The following FBRSL1 variants were observed in gnomAD, a reference collection of about 807,000 sequenced individuals.
FBRSL1 encodes fibrosin-1-like protein.
A neutral mutation model predicts 89.6 loss-of-function variants in FBRSL1; 51 were observed. That is an observed-to-expected ratio of 0.57 (90% CI 0.45 to 0.72). FBRSL1 has a LOEUF of 0.72. FBRSL1 is among the 30% of genes least tolerant of loss of function. The probability of loss-of-function intolerance (pLI) is 0.00; values close to 1 mark genes in which losing one functional copy is unlikely to be tolerated. For missense variants in FBRSL1, 1,618 were observed against 1,451.8 expected, an observed-to-expected ratio of 1.11 and a Z score of -1.86; for synonymous variants, 779 against 681.1, an observed-to-expected ratio of 1.14 and a Z score of -2.24.
chr12:132,552,755 GGACA>G (rs1218478760), intron 5 of FBRSL1: 1 of 156,874 alleles, frequency 6.4e-6, no homozygotes, highest in Non-Finnish European at 1.4e-5. Context: ...TCACCCCGCA[GGACA>G]GACAGAAGGA....
At position 132,503,723 on chromosome 12, in the gene FBRSL1, G is replaced by A. The variant is rs191077390; in HGVS notation, c.292-4430G>A. 1.5e-3 allele frequency among the ~76,000 whole-genome samples: 232 copies of A among 152,372 alleles called. 1 individual carries two copies. The highest frequency in any genetic ancestry group is 5.3e-3 in the African/African-American group (221 of 41,590). ...TGGGAGGCAGCCATGCCAGCTGGGT[G>A]CTGAGCAGATTTTCAGGTGCTCTGC... is the stretch of plus-strand genomic sequence containing the variant. On this transcript the variant is annotated intron_variant, in intron 1 of 18. Transcript: ENST00000680143.
chr12:132,517,356 A>T (rs909705850), intron 2 of FBRSL1, among the ~76,000 whole-genome samples: 16 of 152,232 alleles, frequency 1.1e-4, no homozygotes, highest in African/African-American at 3.6e-4. Context: ...TGCTCCCCAC[A>T]GCCTGGGGCT....
At position 132,567,542 on chromosome 12, in the gene FBRSL1, C is replaced by T. The variant is rs1339930539; in HGVS notation, c.691+16C>T. 22 of 1,550,418 alleles carry T rather than the reference C, an allele frequency of 1.4e-5. No homozygotes were observed. Among genetic ancestry groups the T allele is most frequent in the Admixed American group, 3.9e-5 (2 of 50,976 alleles). ...ACCGATAAAGGTAAGTGGGTCCCCT[C>T]GGCCCAGCTCCTGGGCCTCTGAAGA... On this transcript the variant is annotated intron_variant, in intron 6 of 18. Transcript: ENST00000680143.
At chr12:132,510,407 G>T (rs571125537) in intron 2 of FBRSL1, 2 of 1,232,002 alleles carry the variant, frequency 1.6e-6, no homozygotes, top group Non-Finnish European at 2.0e-6. Flanking sequence ...GTGCCCCCGG[G>T]ATGGCCCGTC....
Position 132,583,655 on chromosome 12 carries a change from G to C in FBRSL1, c.2886G>C (p.Ala962=). ...GCGCACCGCCCCCCCTGGTGACGGC[G>C]GCCGGGCCCCCCACGCCCCCCGGGC... ...ALGAPPPLVT[A]AGPPTPPGPP... The change falls in exon 19 of 19, where the codon GCG becomes GCC. Residue 962 remains alanine, a synonymous_variant. Coordinates refer to ENST00000680143, the MANE Select transcript of FBRSL1 (RefSeq NM_001367871.1). The C allele has an allele frequency of 9.5e-7, 1 of 1,048,712 alleles. No individual in the cohort carries two copies. The highest frequency in any genetic ancestry group is 1.7e-5 in the African/African-American group (1 of 58,158). The allele number at this position is 1,048,712 out of a possible 1,614,324, so 65.0% of individuals were successfully genotyped here.
Position 132,508,472 on chromosome 12 carries a change from C to T in FBRSL1, c.489+122C>T, listed in dbSNP as rs181856982. The T allele has an allele frequency of 2.9e-4, 338 of 1,184,912 alleles. No homozygotes were observed. In the Admixed American group the frequency reaches 8.2e-3, roughly 29 times the overall value. The allele number at this position is 1,184,912 out of a possible 1,614,324, so 73.4% of individuals were successfully genotyped here. Reference sequence around the variant, plus strand: ...CGGGCCTGCCTGGCAGCGCGCCCATCGTTGTCAGGCTTGGGGTGCAGGACA... The same window carrying T: ...CGGGCCTGCCTGGCAGCGCGCCCATTGTTGTCAGGCTTGGGGTGCAGGACA... On this transcript the variant is annotated intron_variant, in intron 2 of 18. Transcript: ENST00000680143.
chr12:132,499,739 G>A lies in FBRSL1; in HGVS notation c.292-8414G>A, dbSNP rs1420973360. ...GCAGGGCTGGGGGGTGGGGCGCTGC[G>A]CAGCACCTAAACTCCGTGAGATCAG... On this transcript the variant is annotated intron_variant, in intron 1 of 18. Transcript: ENST00000680143. The surrounding 1 kb of genome is among the most constrained non-coding windows in gnomAD (Gnocchi z 4.3). Among the ~76,000 whole-genome samples the A allele has an allele frequency of 3.3e-5, 5 of 152,190 alleles. No homozygotes were observed. The highest frequency in any genetic ancestry group is 9.6e-5 in the African/African-American group (4 of 41,514).
At chr12:132,510,987 CGTGCTGGGCATGAAGGATCTGTGGG>C (rs2034273235) in intron 2 of FBRSL1, 1 of 987,512 alleles carries the variant, frequency 1.0e-6, no homozygotes, top group Admixed American at 6.1e-5. Context: ...GAGTGAGTGG[CGTGCTGGGCATGAAGGATCTGTGGG>C]GTGCTGCAGT....
Position 132,581,744 on chromosome 12 carries a change from C to A in FBRSL1, c.1916C>A (p.Pro639His), listed in dbSNP as rs1428004066. 6.5e-7 allele frequency: 1 copy of A among 1,550,040 alleles called. No individual in the cohort carries two copies. Among genetic ancestry groups the A allele is most frequent in the Non-Finnish European group, 8.7e-7 (1 of 1,146,842 alleles). The change falls in exon 17 of 19, where the codon CCT (proline) becomes CAT (histidine). Residue 639 changes from proline (P) to histidine (H), a missense_variant. Pro to His is a moderately conservative substitution (Grantham distance 77). Transcript: ENST00000680143. ...SFLPTGPLTD[P>H]FSRPSTFGGL... ...GGTCCCGCGGTTGCCCCCACAGACC[C>A]TTTCAGCAGACCGAGCACCTTTGGG...
At chr12:132,561,185 AC>A in intron 5 of FBRSL1, among the ~76,000 whole-genome samples, 1 of 152,090 alleles carries the variant, frequency 6.6e-6, no homozygotes, top group South Asian at 2.1e-4. Context: ...AGGGCCGAGG[AC>A]CCCTGGAGCA....
chr12:132,532,204 A>G (rs2036347656), intron 4 of FBRSL1, among the ~76,000 whole-genome samples: 1 of 152,096 alleles, frequency 6.6e-6, no homozygotes, highest in African/African-American at 2.4e-5. Context: ...GTGGCAGCCC[A>G]TGGTGAGGCC....
At chr12:132,556,400 G>C (rs907290563) in intron 5 of FBRSL1, among the ~76,000 whole-genome samples, 15 of 152,154 alleles carry the variant, frequency 9.9e-5, no homozygotes, top group African/African-American at 1.4e-4. Context: ...AGCAGGCGCA[G>C]GCCCTACCCC....
intron 4 of FBRSL1, among the ~76,000 whole-genome samples, chr12:132,542,784 T>C (rs1001951638): frequency 1.3e-5 from 2 of 152,246 alleles, no homozygotes; most frequent in African/African-American, 4.8e-5. Flanking sequence ...GCAGGGTCCC[T>C]GCTTATGAAT....
chr12:132,536,088 ATGG>A (rs2036706770), intron 4 of FBRSL1, among the ~76,000 whole-genome samples: 1 of 124,380 alleles, frequency 8.0e-6, no homozygotes, highest in Non-Finnish European at 1.7e-5. Context: ...CTGTGTGTAC[ATGG>A]TGTGTGTGTG....
chr12:132,541,419 G>A (rs535300310), intron 4 of FBRSL1, among the ~76,000 whole-genome samples: 39 of 152,274 alleles, frequency 2.6e-4, no homozygotes, highest in Admixed American at 5.9e-4. Flanking sequence ...CAGCAGCCCC[G>A]CCAGAGGTCA....
intron 5 of FBRSL1, among the ~76,000 whole-genome samples, chr12:132,555,285 G>C (rs1010752877): frequency 1.3e-5 from 2 of 152,056 alleles, no homozygotes; most frequent in Non-Finnish European, 2.9e-5. Context: ...GCTTTCTCTG[G>C]CAGGCAGCAT....
At chr12:132,505,518 G>T (rs113703952) in intron 1 of FBRSL1, among the ~76,000 whole-genome samples, 1 of 152,204 alleles carries the variant, frequency 6.6e-6, no homozygotes, top group African/African-American at 2.4e-5. Flanking sequence ...TCACAGGAGC[G>T]GGGGTGACCA....
In FBRSL1 at chr12:132,581,467, T is replaced by A. The variant is rs1336874269; in HGVS notation, c.1863T>A (p.Phe621Leu). The A allele has an allele frequency of 6.4e-7, 1 of 1,551,106 alleles. No homozygotes were observed. The highest frequency in any genetic ancestry group is 2.0e-5 in the Admixed American group (1 of 50,994). ...TGAAHPASNP[F>L]GPSAHPGSFL... ...CCGCCCATCCTGCCTCCAACCCATT[T>A]GGACCCTCAGCCCATCCTGGCAGCT... Residue 621 changes from phenylalanine (F) to leucine (L), a missense_variant, in exon 16 of 19, where the codon TTT (phenylalanine) becomes TTA (leucine). Coordinates refer to ENST00000680143, the MANE Select transcript of FBRSL1 (RefSeq NM_001367871.1).
In FBRSL1 at chr12:132,570,239, CA is replaced by C; in HGVS notation, c.1006del (p.Ser336AlafsTer91). On this transcript the variant is annotated frameshift_variant and splice_region_variant, in exon 7 of 19. Transcript: ENST00000680143. LOFTEE classifies it high-confidence loss of function. ...CGGCAGCCAACGGCCTGCACGGCCT[CA>C]GGTGGGGTCCCCGCGGGGGACGGGG... ...QAAANGLHGL[S>X]RSSSAPLGLG... is the part of the protein sequence containing the mutation. The C allele has an allele frequency of 6.7e-7, 1 of 1,492,168 alleles. No homozygotes were observed. The highest frequency in any genetic ancestry group is 8.8e-7 in the Non-Finnish European group (1 of 1,130,148). The allele number at this position is 1,492,168 out of a possible 1,614,324, so 92.4% of individuals were successfully genotyped here.
Sources: allele counts gnomAD v4.1 joint callset (sites outside exome capture counted in the v4.1 genomes callset), GRCh38; gene constraint gnomAD v4.1.1; non-coding constraint Gnocchi (gnomAD v3.1); transcripts MANE v1.5; gene names NCBI Gene and HGNC (gene_info 2026-07-23, HGNC 2026-07-21).